The following HTT variants were observed in gnomAD, a reference collection of about 807,000 sequenced individuals.
HTT encodes the protein huntingtin, also known as huntington disease protein.
HTT carries 104 observed loss-of-function variants against 362.3 expected under a neutral mutation model. The observed-to-expected ratio is 0.29, with a 90% CI of 0.24 to 0.34. HTT has a LOEUF of 0.34. Ranked by LOEUF, HTT falls within the 10% of genes least tolerant of loss-of-function variation. HTT has a pLI of 1.00. For missense variants in HTT, 3,301 were observed against 3,928.6 expected (o/e 0.84, Z 4.27); for synonymous variants, 1,577 against 1,548.7 (o/e 1.02, Z -0.43).
intron 26 of HTT, among the ~76,000 whole-genome samples, chr4:3,148,946 G>T (rs1462821601): frequency 2.6e-5 from 4 of 152,192 alleles, no homozygotes; most frequent in African/African-American, 9.7e-5. Flanking sequence ...GACAGAGTCA[G>T]ACTCTTTCCA....
At chr4:3,220,629 C>A (rs889185512) in intron 53 of HTT, among the ~76,000 whole-genome samples, 2 of 152,060 alleles carry the variant, frequency 1.3e-5, no homozygotes, top group Non-Finnish European at 2.9e-5. Context: ...TAAACAGTGG[C>A]AGCACTTGTC....
At position 3,211,018 on chromosome 4, in the gene HTT, T is replaced by C. The variant is rs2110274867; in HGVS notation, c.6415-911T>C. Among the ~76,000 whole-genome samples the C allele has an allele frequency of 2.0e-5, 3 of 150,466 alleles. No homozygotes were observed. The Middle Eastern group carries it at 0.01, about 515-fold the overall frequency. On this transcript the variant is annotated intron_variant, in intron 47 of 66. Coordinates refer to ENST00000355072, the MANE Select transcript of HTT (RefSeq NM_001388492.1). Reference sequence around the variant, plus strand: ...CCTGGGTTCATACGATTCTCCTGCCTCAGCCTCCCAAATAGCTGGTATTAA... The same window carrying C: ...CCTGGGTTCATACGATTCTCCTGCCCCAGCCTCCCAAATAGCTGGTATTAA...
Position 3,122,899 on chromosome 4 carries a change from T to A in HTT, c.1284T>A (p.Gly428=). 6.2e-7 allele frequency: 1 copy of A among 1,610,962 alleles called. No individual in the cohort carries two copies. The change falls in exon 10 of 67, where the codon GGT becomes GGA. Residue 428 remains glycine (G), a synonymous_variant. Transcript: ENST00000355072. ...GSIVELIAGG[G]SSCSPVLSRK... ...TTCTGTGATTTGCAGCTGGAGGGGGTTCCTCATGCAGCCCTGTCCTTTCAA... is the reference window on the plus strand; with the variant it reads ...TTCTGTGATTTGCAGCTGGAGGGGGATCCTCATGCAGCCCTGTCCTTTCAA...
chr4:3,138,180 C>T (rs967445717), intron 21 of HTT, among the ~76,000 whole-genome samples: 6 of 126,040 alleles, frequency 4.8e-5, no homozygotes, highest in Non-Finnish European at 6.8e-5. Flanking sequence ...TTCCCCTTCC[C>T]GCCTGCCTGC....
At chr4:3,207,415 T>C in intron 45 of HTT, 58 bp downstream of exon 45, 1 of 1,370,332 alleles carries the variant, frequency 7.3e-7, no homozygotes, top group Middle Eastern at 1.8e-4. Context: ...ATAAAGGATA[T>C]AGATTTGTAC....
At chr4:3,202,307 G>A (rs1283802567) in intron 41 of HTT, among the ~76,000 whole-genome samples, 2 of 152,130 alleles carry the variant, frequency 1.3e-5, no homozygotes, top group East Asian at 3.8e-4. Flanking sequence ...ACAAATTGGG[G>A]CTGAATTTGA....
At chr4:3,205,384 G>A in intron 42 of HTT, among the ~76,000 whole-genome samples, 1 of 152,096 alleles carries the variant, frequency 6.6e-6, no homozygotes, top group East Asian at 1.9e-4. Flanking sequence ...AACTGAAAGA[G>A]GTGTTATCCT....
intron 2 of HTT, among the ~76,000 whole-genome samples, chr4:3,093,905 G>GTTTTTTTTTTTTTTTT (rs67455911): frequency 1.0e-3 from 24 of 23,892 alleles, no homozygotes; most frequent in South Asian, 5.9e-3. Flanking sequence ...CTTTAAGTTG[G>GTTTTTTTTTTTTTTTT]TTTTTTTTTT....
intron 2 of HTT, among the ~76,000 whole-genome samples, chr4:3,092,792 G>T (rs1239118581): frequency 6.6e-6 from 1 of 152,226 alleles, no homozygotes; most frequent in African/African-American, 2.4e-5. Flanking sequence ...AACAAGGACA[G>T]CATTTATCTT....
chr4:3,197,374 C>A (rs1719300813), intron 40 of HTT, among the ~76,000 whole-genome samples: 1 of 152,044 alleles, frequency 6.6e-6, no homozygotes, highest in Non-Finnish European at 1.5e-5. Flanking sequence ...CTGTCACTCT[C>A]CAGGGCCTCT....
chr4:3,136,241 G>A lies in HTT; in HGVS notation c.2713G>A (p.Glu905Lys). The A allele has an allele frequency of 6.2e-7, 1 of 1,609,084 alleles. No individual in the cohort carries two copies. The highest frequency in any genetic ancestry group is 1.1e-5 in the South Asian group (1 of 90,772). Residue 905 changes from glutamate (E) to lysine (K), a missense_variant, in exon 21 of 67, where the codon GAA becomes AAA. Physicochemically the swap from Glu to Lys is moderately conservative, Grantham distance 56. This residue lies in a region of HTT where 2,316 missense variants were observed against 2,658.5 expected (regional missense o/e 0.87). Transcript: ENST00000355072. ...HHYTGLLKLQ[E>K]RVLNNVVIHL... ...CTCTCTAAAGCTTTTAAAACTGCAA[G>A]AACGAGTGCTCAATAATGTTGTCAT...
intron 7 of HTT, 24 bp from the exon 8 acceptor site, chr4:3,116,061 G>C (rs1359554527): frequency 1.3e-6 from 2 of 1,591,500 alleles, no homozygotes; most frequent in Admixed American, 1.7e-5. Context: ...CAGATGTTAA[G>C]ATGTCTTGCT....
chr4:3,209,609 G>C (rs540015350), intron 46 of HTT, among the ~76,000 whole-genome samples: 8 of 152,292 alleles, frequency 5.3e-5, no homozygotes, highest in African/African-American at 1.9e-4. Context: ...AGTTCACCAG[G>C]TGAAGGGGGA....
chr4:3,131,280 T>A lies in HTT; in HGVS notation c.1987-6T>A, dbSNP rs745454115. ...AGACAAACAAGTGTCATTGTCTCCT[T>A]TCTAGCCTTGCCGCATCAAAGGTGA... is the stretch of plus-strand genomic sequence containing the variant. On this transcript the variant is annotated splice_region_variant and splice_polypyrimidine_tract_variant and intron_variant, in intron 14 of 66. Transcript: ENST00000355072. The A allele has an allele frequency of 1.9e-6, 3 of 1,603,586 alleles. No individual in the cohort carries two copies. In the Admixed American group the frequency reaches 5.0e-5, roughly 27 times the overall value.
intron 57 of HTT, among the ~76,000 whole-genome samples, chr4:3,227,983 C>T (rs529172191): frequency 1.3e-5 from 2 of 152,332 alleles, no homozygotes; most frequent in Middle Eastern, 6.8e-3. Flanking sequence ...CTCGCCCACT[C>T]CCTGCAGGGT....
chr4:3,187,224 C>T (rs1465999860), intron 38 of HTT, among the ~76,000 whole-genome samples: 4 of 151,868 alleles, frequency 2.6e-5, no homozygotes, highest in Middle Eastern at 3.4e-3. Context: ...GGCGCTACCT[C>T]GACTCACTGC....
At chr4:3,125,219 TAC>T (rs1715467472) in intron 10 of HTT, among the ~76,000 whole-genome samples, 2 of 152,284 alleles carry the variant, frequency 1.3e-5, no homozygotes, top group South Asian at 4.1e-4. Context: ...AGTTATAACT[TAC>T]CATTTTTAAG....
At chr4:3,092,300 G>C (rs539526802) in intron 2 of HTT, among the ~76,000 whole-genome samples, 2 of 152,210 alleles carry the variant, frequency 1.3e-5, no homozygotes, top group African/African-American at 4.8e-5. Context: ...GATTACAGGT[G>C]TGAGCCACTG....
At chr4:3,239,824 T>G in intron 66 of HTT, 22 bp from the exon 67 acceptor site, 1 of 1,547,258 alleles carries the variant, frequency 6.5e-7, no homozygotes, top group Non-Finnish European at 8.7e-7. Context: ...TTGCCGGCCT[T>G]TTTCCTTAAC....
Sources: allele counts gnomAD v4.1 joint callset (sites outside exome capture counted in the v4.1 genomes callset), GRCh38; gene constraint gnomAD v4.1.1; regional missense constraint gnomAD v4.1.1; transcripts MANE v1.5; gene names NCBI Gene and HGNC (gene_info 2026-07-23, HGNC 2026-07-21).